PDE3A: variants seen among roughly 807,000 people sequenced by gnomAD.
PDE3A encodes the protein phosphodiesterase 3A, also known as cGMP-inhibited 3',5'-cyclic phosphodiesterase 3A.
Under a neutral mutation model 98.3 loss-of-function variants are expected in PDE3A, and 43 were observed. That is an observed-to-expected ratio of 0.44 (90% confidence interval 0.34 to 0.56). The LOEUF is 0.56. Among genes scored for constraint, PDE3A ranks in the 20% least tolerant of loss-of-function variants. PDE3A has a pLI of 0.01. For missense variants in PDE3A, 1,427 were observed against 1,440.7 expected, an observed-to-expected ratio of 0.99 and a Z score of 0.15; for synonymous variants, 663 against 567.9, an observed-to-expected ratio of 1.17 and a Z score of -2.38.
chr12:20,561,106 C>T (rs1255209296), intron 2 of PDE3A, among the ~76,000 whole-genome samples: 1 of 145,464 alleles, frequency 6.9e-6, no homozygotes, highest in African/African-American at 2.7e-5. Context: ...ACTAAAGATA[C>T]AAAAATTAGC....
At chr12:20,669,360 T>C (rs1244133324) in intron 15 of PDE3A, among the ~76,000 whole-genome samples, 3 of 151,958 alleles carry the variant, frequency 2.0e-5, no homozygotes, top group Non-Finnish European at 2.9e-5. Context: ...ACCACAAAGA[T>C]ACTCCTCAAG....
chr12:20,370,118 G>A lies in PDE3A; in HGVS notation c.834G>A (p.Gly278=), dbSNP rs755017215. ...REHLGSQLIA[G]TKEDIPVFKR... The stretch of plus-strand genomic sequence containing the variant: ...ATTTGGGGTCCCAGCTGATTGCTGG[G>A]ACCAAGGAAGATATCCCGGTGTTTA... Residue 278 remains glycine, a synonymous_variant, in exon 1 of 16, where the codon GGG becomes GGA. Transcript: ENST00000359062. 3 of 1,613,384 alleles carry A rather than the reference G, an allele frequency of 1.9e-6. No individual in the cohort carries two copies. The South Asian group carries it at 3.3e-5, about 18-fold the overall frequency.
At chr12:20,499,257 C>G (rs1469357231) in intron 1 of PDE3A, among the ~76,000 whole-genome samples, 1 of 152,088 alleles carries the variant, frequency 6.6e-6, no homozygotes, top group East Asian at 1.9e-4. Context: ...GCCTAAGGTG[C>G]AATAGTGTCT....
chr12:20,656,154 A>G (rs1427317911), intron 15 of PDE3A, among the ~76,000 whole-genome samples: 1 of 152,226 alleles, frequency 6.6e-6, no homozygotes, highest in Non-Finnish European at 1.5e-5. Context: ...CTTTACAGAT[A>G]AAGTACAATC....
At chr12:20,599,541 C>T (rs776158183) in intron 2 of PDE3A, among the ~76,000 whole-genome samples, 11 of 152,286 alleles carry the variant, frequency 7.2e-5, no homozygotes, top group African/African-American at 2.6e-4. Flanking sequence ...TAAAAGTCAA[C>T]GTATAAAAAT....
At chr12:20,623,918 A>G (rs910617461) in intron 5 of PDE3A, among the ~76,000 whole-genome samples, 1 of 152,150 alleles carries the variant, frequency 6.6e-6, no homozygotes. Context: ...CCAAACAAAC[A>G]TTAAATTCAT....
chr12:20,662,243 T>A (rs1176363743), intron 15 of PDE3A, among the ~76,000 whole-genome samples: 1 of 152,180 alleles, frequency 6.6e-6, no homozygotes, highest in Non-Finnish European at 1.5e-5. Flanking sequence ...GTTTGGAACT[T>A]CTAGAGACTT....
chr12:20,633,873 T>G lies in PDE3A; in HGVS notation c.1846+95T>G, dbSNP rs3858661. On this transcript the variant is annotated intron_variant, in intron 7 of 15. Transcript: ENST00000359062. ...AGTGATCTACATTTCTGATATTTTG[T>G]GGGGCGCTGGGAGACGGGGTCTCAT... 0.42 allele frequency: 301,057 copies of G among 709,240 alleles called. 63,925 individuals are homozygous for G. Among genetic ancestry groups the G allele is most frequent in the African/African-American group, 0.53 (29,410 of 55,586 alleles). The allele number at this position is 709,240 out of a possible 1,614,324, so 43.9% of individuals were successfully genotyped here. A position where few individuals can be genotyped will look rare whatever the true frequency, so the allele number is the denominator to read the frequency against.
intron 1 of PDE3A, among the ~76,000 whole-genome samples, chr12:20,536,532 T>A (rs1420337584): frequency 2.0e-5 from 3 of 152,098 alleles, no homozygotes. Context: ...CACTTCTCAT[T>A]TCACCTACCT....
At chr12:20,574,829 C>T (rs10841563) in intron 2 of PDE3A, among the ~76,000 whole-genome samples, 33,790 of 151,854 alleles carry the variant, frequency 0.22, 3,945 homozygotes, top group South Asian at 0.35. Flanking sequence ...CTCCCACAAA[C>T]GGCAAGATAT....
At chr12:20,565,746 T>C (rs1027769144) in intron 2 of PDE3A, among the ~76,000 whole-genome samples, 1 of 152,000 alleles carries the variant, frequency 6.6e-6, no homozygotes, top group East Asian at 1.9e-4. Flanking sequence ...AATTTTTTTT[T>C]ATTTGGGGAA....
chr12:20,370,143 A>C lies in PDE3A; in HGVS notation c.859A>C (p.Lys287Gln). 1 of 1,613,370 alleles carries C rather than the reference A, an allele frequency of 6.2e-7. No homozygotes were observed. Among genetic ancestry groups the C allele is most frequent in the Non-Finnish European group, 8.5e-7 (1 of 1,179,946 alleles). ...AGTKEDIPVF[K>Q]RRRRSSSVVS... The stretch of plus-strand genomic sequence containing the variant: ...GACCAAGGAAGATATCCCGGTGTTT[A>C]AGAGGAGGAGGCGGTCCAGCTCCGT... The change falls in exon 1 of 16, where the codon AAG becomes CAG. Residue 287 changes from lysine (K) to glutamine (Q), a missense_variant. By Grantham distance (53) the Lys-to-Gln change is moderately conservative (BLOSUM62 1). Around this residue, in one of 3 missense-constraint regions of PDE3A, gnomAD observed 1,012 missense variants for 886.5 expected, o/e 1.14. Coordinates refer to ENST00000359062, the MANE Select transcript of PDE3A (RefSeq NM_000921.5).
intron 2 of PDE3A, among the ~76,000 whole-genome samples, chr12:20,575,469 A>C (rs997571889): frequency 6.6e-6 from 1 of 152,082 alleles, no homozygotes; most frequent in African/African-American, 2.4e-5. Flanking sequence ...TAACTCTAAG[A>C]TAAATTTGCC....
intron 2 of PDE3A, among the ~76,000 whole-genome samples, chr12:20,600,535 T>G (rs1943569860): frequency 6.6e-6 from 1 of 152,180 alleles, no homozygotes; most frequent in African/African-American, 2.4e-5. Context: ...TCACCTGAGC[T>G]TTGTCTTCAA....
At chr12:20,632,575 G>C (rs1052286149) in intron 6 of PDE3A, among the ~76,000 whole-genome samples, 11 of 152,192 alleles carry the variant, frequency 7.2e-5, no homozygotes, top group Admixed American at 1.3e-4. Context: ...TTTATGGCCT[G>C]TGCCAGGCCA....
chr12:20,569,142 A>G (rs978990150), intron 2 of PDE3A, among the ~76,000 whole-genome samples: 2 of 152,078 alleles, frequency 1.3e-5, no homozygotes, highest in Admixed American at 1.3e-4. Context: ...TTTTATTAAC[A>G]TTATTCTTTT....
At chr12:20,442,190 A>C (rs1944881254) in intron 1 of PDE3A, among the ~76,000 whole-genome samples, 1 of 152,202 alleles carries the variant, frequency 6.6e-6, no homozygotes, top group African/African-American at 2.4e-5. Flanking sequence ...TCCATATTAA[A>C]ATGGCTTTTA....
At chr12:20,560,255 G>GA (rs1379936774) in intron 2 of PDE3A, among the ~76,000 whole-genome samples, 2 of 152,100 alleles carry the variant, frequency 1.3e-5, no homozygotes, top group South Asian at 2.1e-4. Context: ...AATATTAAAA[G>GA]AAAAAACAGA....
At chr12:20,620,843 T>A (rs745599548) in intron 4 of PDE3A, among the ~76,000 whole-genome samples, 8 of 152,114 alleles carry the variant, frequency 5.3e-5, no homozygotes, top group Middle Eastern at 3.4e-3. Context: ...TATTTATGAA[T>A]GATTTCATGG....
Sources: allele counts gnomAD v4.1 joint callset (sites outside exome capture counted in the v4.1 genomes callset), GRCh38; gene constraint gnomAD v4.1.1; regional missense constraint gnomAD v4.1.1; transcripts MANE v1.5; gene names NCBI Gene and HGNC (gene_info 2026-07-23, HGNC 2026-07-21).